The following CBFA2T3 variants were observed in gnomAD, a reference collection of about 807,000 sequenced individuals.
The protein encoded by CBFA2T3 is transcriptional corepressor CBFA2T3.
In CBFA2T3, 31 loss-of-function variants were observed where a neutral mutation model predicts 58.6. The observed-to-expected ratio is 0.53, with a 90% CI of 0.40 to 0.71. CBFA2T3 has a LOEUF of 0.71. Ranked by LOEUF, CBFA2T3 falls within the 30% of genes least tolerant of loss-of-function variation. The pLI, the probability that CBFA2T3 is intolerant of heterozygous loss-of-function variation, is 0.00. For missense variants in CBFA2T3, 1,076 were observed against 963.1 expected (o/e 1.12, Z -1.55); for synonymous variants, 531 against 421.9 (o/e 1.26, Z -3.17).
intron 5 of CBFA2T3, among the ~76,000 whole-genome samples, chr16:88,891,506 G>A (rs1362784667): frequency 1.3e-5 from 2 of 152,200 alleles, no homozygotes; most frequent in African/African-American, 4.8e-5. Context: ...CCCGAGCCTT[G>A]CCCCCACACT....
chr16:88,967,423 A>G (rs1467754111), intron 1 of CBFA2T3, among the ~76,000 whole-genome samples: 2 of 151,750 alleles, frequency 1.3e-5, no homozygotes, highest in Admixed American at 1.3e-4. Flanking sequence ...AAGTGCTGCC[A>G]TGCGTCCACC....
chr16:88,895,090 G>A (rs1049004717), intron 3 of CBFA2T3, among the ~76,000 whole-genome samples: 2 of 152,132 alleles, frequency 1.3e-5, no homozygotes, highest in East Asian at 1.9e-4. Context: ...CCTACATGCC[G>A]GCCCCCCTTT....
At chr16:88,890,902 T>C (rs1489255508) in intron 5 of CBFA2T3, among the ~76,000 whole-genome samples, 2 of 152,148 alleles carry the variant, frequency 1.3e-5, no homozygotes, top group East Asian at 1.9e-4. Flanking sequence ...TTTGTAGAGA[T>C]GGGGTCTAGC....
intron 1 of CBFA2T3, among the ~76,000 whole-genome samples, chr16:88,968,553 C>T (rs554989265): frequency 2.0e-5 from 3 of 152,226 alleles, no homozygotes; most frequent in Non-Finnish European, 4.4e-5. Context: ...CTTCTGTCAC[C>T]TGCTGGTGAC....
chr16:88,946,616 G>A (rs957915617), intron 1 of CBFA2T3, among the ~76,000 whole-genome samples: 26 of 151,622 alleles, frequency 1.7e-4, no homozygotes, highest in Non-Finnish European at 3.8e-4. Context: ...CCGAGTAGCT[G>A]GGATTACAGG....
At chr16:88,913,760 G>A (rs1419391569) in intron 1 of CBFA2T3, among the ~76,000 whole-genome samples, 2 of 152,144 alleles carry the variant, frequency 1.3e-5, no homozygotes, top group East Asian at 1.9e-4. Context: ...AATGACAAAC[G>A]GAATAAATAC....
rs2142846583 is a variant in CBFA2T3 at position 88,953,870 on chromosome 16, T to C, written c.151+22787A>G. On this transcript the variant is annotated intron_variant, in intron 1 of 11. Transcript: ENST00000268679. The surrounding 1 kb of genome is among the most constrained non-coding windows in gnomAD (Gnocchi z 4.9). ...ATGACTTTGGGGCTGCCATGGGCCT[T>C]GTCACCTGCATTGGGCTGGTGAGGA... 6.6e-6 allele frequency among the ~76,000 whole-genome samples: 1 copy of C among 152,204 alleles called. No homozygotes were observed. The highest frequency in any genetic ancestry group is 2.4e-5 in the African/African-American group (1 of 41,526).
At chr16:88,907,437 C>T (rs1970375248) in intron 1 of CBFA2T3, among the ~76,000 whole-genome samples, 1 of 152,208 alleles carries the variant, frequency 6.6e-6, no homozygotes, top group Middle Eastern at 3.2e-3. Context: ...AGGTGGGCAG[C>T]GGGTGCGGAA....
intron 1 of CBFA2T3, among the ~76,000 whole-genome samples, chr16:88,923,197 T>A (rs1970977554): frequency 1.3e-5 from 2 of 152,174 alleles, no homozygotes; most frequent in Non-Finnish European, 2.9e-5. Context: ...GGGTTTGAAG[T>A]CAGCGTCCAC....
chr16:88,907,600 G>A (rs1189821145), intron 1 of CBFA2T3, among the ~76,000 whole-genome samples: 1 of 152,206 alleles, frequency 6.6e-6, no homozygotes, highest in Non-Finnish European at 1.5e-5. Flanking sequence ...GAGGGGGAGA[G>A]CCAGGTGTGG....
At chr16:88,918,736 G>A (rs893462743) in intron 1 of CBFA2T3, among the ~76,000 whole-genome samples, 1 of 152,222 alleles carries the variant, frequency 6.6e-6, no homozygotes, top group African/African-American at 2.4e-5. Context: ...TGTCCCAGAA[G>A]TTCCATGGCA....
In CBFA2T3 at chr16:88,961,608, G is replaced by A. The variant is rs1429351872; in HGVS notation, c.151+15049C>T. On this transcript the variant is annotated intron_variant, in intron 1 of 11. Coordinates refer to ENST00000268679, the MANE Select transcript of CBFA2T3 (RefSeq NM_005187.6). Reference sequence around the variant, plus strand: ...TGGGCATTCCCACTCCATAGTAACCGACACTCAGCACTGGGCATTCCCACT... The same window carrying A: ...TGGGCATTCCCACTCCATAGTAACCAACACTCAGCACTGGGCATTCCCACT... Among the ~76,000 whole-genome samples the A allele has an allele frequency of 6.1e-5, 7 of 114,606 alleles. 1 individual carries two copies. Among genetic ancestry groups the A allele is most frequent in the South Asian group, 3.4e-4 (1 of 2,936 alleles). 75.2% of individuals were successfully genotyped at this position (114,606 alleles called of 152,430 possible).
chr16:88,886,042 T>C lies in CBFA2T3; in HGVS notation c.812A>G (p.Asp271Gly), dbSNP rs774773075. 1 of 1,579,568 alleles carries C rather than the reference T, an allele frequency of 6.3e-7. No homozygotes were observed. The highest frequency in any genetic ancestry group is 1.2e-5 in the South Asian group (1 of 86,506). Reference sequence around the variant, plus strand: ...GTCGATGGGGGAGGAGGCGCTGGCGTCCAGCAGGAGCTGCTCATGCTGGGC... The same window carrying C: ...GTCGATGGGGGAGGAGGCGCTGGCGCCCAGCAGGAGCTGCTCATGCTGGGC... ...YLAQHEQLLL[D>G]ASASSPIDSS... Residue 271 changes from aspartate to glycine, a missense_variant, in exon 6 of 12, where the codon GAC becomes GGC. Transcript: ENST00000268679.
At chr16:88,975,245 C>CT (rs1567644159) in intron 1 of CBFA2T3, among the ~76,000 whole-genome samples, 67 of 137,364 alleles carry the variant, frequency 4.9e-4, no homozygotes, top group South Asian at 2.4e-3. Context: ...GTCAGAGGCC[C>CT]GCCCTGACCC....
At chr16:88,975,772 G>T (rs974933996) in intron 1 of CBFA2T3, among the ~76,000 whole-genome samples, 2 of 152,272 alleles carry the variant, frequency 1.3e-5, no homozygotes, top group Non-Finnish European at 2.9e-5. Context: ...ACAGCCTCAG[G>T]CAGCCGCCGC....
intron 3 of CBFA2T3, among the ~76,000 whole-genome samples, chr16:88,893,363 G>A (rs1373580118): frequency 6.7e-6 from 1 of 150,168 alleles, no homozygotes; most frequent in Non-Finnish European, 1.5e-5. Context: ...CTTTCCAGCA[G>A]AGCAATGTCC....
At chr16:88,895,801 C>T (rs1969866959) in intron 3 of CBFA2T3, among the ~76,000 whole-genome samples, 2 of 152,190 alleles carry the variant, frequency 1.3e-5, no homozygotes, top group Non-Finnish European at 2.9e-5. Flanking sequence ...CGGCCCTGCC[C>T]TCGAGGGCTG....
At position 88,876,718 on chromosome 16, in the gene CBFA2T3, G is replaced by A. The variant is rs1436787294; in HGVS notation, c.*258C>T. 2.3e-5 allele frequency: 10 copies of A among 443,056 alleles called. No homozygotes were observed. Among genetic ancestry groups the A allele is most frequent in the Non-Finnish European group, 1.2e-5 (3 of 253,464 alleles). The allele number at this position is 443,056 out of a possible 1,614,324, so 27.4% of individuals were successfully genotyped here. On this transcript the variant is annotated 3_prime_UTR_variant, in exon 12 of 12. Coordinates refer to ENST00000268679, the MANE Select transcript of CBFA2T3 (RefSeq NM_005187.6). ...TCAGTCGAGGCTTCTGAGGATGCTT[G>A]AAGAGACGTTGTCAGGAGGTCTCCG... is the stretch of plus-strand genomic sequence containing the variant.
intron 3 of CBFA2T3, among the ~76,000 whole-genome samples, chr16:88,893,980 T>C (rs1969758511): frequency 6.6e-6 from 1 of 152,110 alleles, no homozygotes; most frequent in African/African-American, 2.4e-5. Flanking sequence ...CTGGGAGGCC[T>C]GAAGTCCTGG....
Sources: gnomAD v4.1 joint callset for allele counts (sites outside exome capture counted in the v4.1 genomes callset) on GRCh38, gnomAD v4.1.1 for gene constraint, Gnocchi (gnomAD v3.1) non-coding constraint, MANE v1.5 for transcripts, NCBI Gene and HGNC (gene_info 2026-07-23, HGNC 2026-07-21) for gene names.